The following SLC1A2 variants were observed in gnomAD, a reference collection of about 807,000 sequenced individuals.
SLC1A2 encodes the protein solute carrier family 1 member 2, also known as excitatory amino acid transporter 2.
Under a neutral mutation model 48.8 loss-of-function variants are expected in SLC1A2, and 15 were observed. That is an observed-to-expected ratio of 0.31 (90% CI 0.21 to 0.47). The LOEUF (loss-of-function observed/expected upper bound fraction) is 0.47. Among genes scored for constraint, SLC1A2 ranks in the 20% least tolerant of loss-of-function variants. SLC1A2 has a pLI of 0.99. For missense variants in SLC1A2, 502 were observed against 730.5 expected (o/e 0.69, Z 3.61); for synonymous variants, 279 against 272.6 (o/e 1.02, Z -0.23).
At chr11:35,380,017 A>G (rs771445810) in intron 1 of SLC1A2, among the ~76,000 whole-genome samples, 4 of 152,228 alleles carry the variant, frequency 2.6e-5, no homozygotes, top group Non-Finnish European at 5.9e-5. Flanking sequence ...TTAAGCAGAC[A>G]CCTGATTGTC....
rs953218919 is a variant in SLC1A2, at chr11:35,253,075, T to A, written c.*7819A>T. ...TACCACCATCTCAGAAAGTATTTGG[T>A]GGAAGGAAGACACCTCGTCTCTGCA... On this transcript the variant is annotated 3_prime_UTR_variant, in exon 11 of 11. Coordinates refer to ENST00000278379, the MANE Select transcript of SLC1A2 (RefSeq NM_004171.4). 4.6e-5 allele frequency: 7 copies of A among 152,170 alleles called. No homozygotes were observed. Among genetic ancestry groups the A allele is most frequent in the African/African-American group, 1.7e-4 (7 of 41,444 alleles). The allele number at this position is 152,170 out of a possible 1,614,324, so 9.4% of individuals were successfully genotyped here. A position where few individuals can be genotyped will look rare whatever the true frequency, so the allele number is the denominator to read the frequency against.
chr11:35,382,586 A>C (rs1854463772), intron 1 of SLC1A2, among the ~76,000 whole-genome samples: 1 of 152,250 alleles, frequency 6.6e-6, no homozygotes, highest in African/African-American at 2.4e-5. Context: ...ACTTGAGCTC[A>C]GGAGTTCAAG....
intron 1 of SLC1A2, among the ~76,000 whole-genome samples, chr11:35,320,819 G>A (rs1852035174): frequency 6.6e-6 from 1 of 152,192 alleles, no homozygotes; most frequent in Admixed American, 6.5e-5. Context: ...TAAAGATGTT[G>A]CAGTAAACAA....
chr11:35,356,980 G>A (rs1045146476), intron 1 of SLC1A2, among the ~76,000 whole-genome samples: 57 of 152,180 alleles, frequency 3.7e-4, no homozygotes, highest in African/African-American at 1.1e-3. Context: ...GGTGGCTCAC[G>A]CCTGTAATCC....
intron 1 of SLC1A2, among the ~76,000 whole-genome samples, chr11:35,351,781 G>T (rs971360080): frequency 6.6e-5 from 10 of 152,124 alleles, no homozygotes; most frequent in Non-Finnish European, 1.0e-4. Context: ...GACTACAGGT[G>T]CATGCCACTA....
intron 1 of SLC1A2, among the ~76,000 whole-genome samples, chr11:35,369,343 C>T (rs1853976853): frequency 6.6e-6 from 1 of 152,216 alleles, no homozygotes. Flanking sequence ...TATATTTCAG[C>T]ATCACTCATG....
intron 1 of SLC1A2, among the ~76,000 whole-genome samples, chr11:35,343,125 T>C (rs1335987752): frequency 6.6e-6 from 1 of 152,230 alleles, no homozygotes; most frequent in Non-Finnish European, 1.5e-5. Context: ...ACAGGAATAA[T>C]ACAGGGTGGT....
intron 1 of SLC1A2, among the ~76,000 whole-genome samples, chr11:35,397,416 C>G (rs1218378810): frequency 1.4e-5 from 2 of 145,810 alleles, no homozygotes; most frequent in Non-Finnish European, 3.0e-5. Context: ...CTGAGAAAAA[C>G]AAGCAATGGG....
chr11:35,291,618 T>C (rs1284706270), intron 7 of SLC1A2: 1 of 152,324 alleles, frequency 6.6e-6, no homozygotes, highest in Non-Finnish European at 1.5e-5. Context: ...TTTGTTTTTG[T>C]TAGATTCAGT....
intron 1 of SLC1A2, among the ~76,000 whole-genome samples, chr11:35,340,621 AG>A (rs1189342037): frequency 6.6e-6 from 1 of 152,220 alleles, no homozygotes; most frequent in African/African-American, 2.4e-5. Context: ...CAAAGGAAAA[AG>A]ATTGTAGCGT....
At chr11:35,284,932 A>T (rs1479049820) in intron 8 of SLC1A2, among the ~76,000 whole-genome samples, 1 of 152,200 alleles carries the variant, frequency 6.6e-6, no homozygotes, top group African/African-American at 2.4e-5. Flanking sequence ...GAGATCTCCT[A>T]AAATGGCCTT....
chr11:35,374,355 G>A (rs1031196635), intron 1 of SLC1A2: 10 of 868,566 alleles, frequency 1.2e-5, no homozygotes, highest in African/African-American at 8.5e-5. Context: ...TTTAAATAGC[G>A]ATGTGTTGTT....
At chr11:35,377,416 A>G (rs1854277397) in intron 1 of SLC1A2, among the ~76,000 whole-genome samples, 1 of 152,144 alleles carries the variant, frequency 6.6e-6, no homozygotes, top group African/African-American at 2.4e-5. Context: ...TGAATGCCAC[A>G]GAGCATGCAC....
intron 9 of SLC1A2, among the ~76,000 whole-genome samples, chr11:35,275,949 G>A (rs115248332): frequency 0.012 from 1,826 of 152,214 alleles, 40 homozygotes; most frequent in African/African-American, 0.041. Flanking sequence ...CCTCTTGCTG[G>A]TGAGAAAGAA....
chr11:35,397,733 G>A (rs1855009976), intron 1 of SLC1A2, among the ~76,000 whole-genome samples: 1 of 152,070 alleles, frequency 6.6e-6, no homozygotes, highest in Admixed American at 6.5e-5. Flanking sequence ...AGCCCCAAGA[G>A]AGACCCCTCA....
chr11:35,399,476 A>T (rs1485355261), intron 1 of SLC1A2: 2 of 210,460 alleles, frequency 9.5e-6, no homozygotes, highest in Non-Finnish European at 1.6e-5. Flanking sequence ...TAGAATGTAA[A>T]TACAAAATCT....
intron 1 of SLC1A2, among the ~76,000 whole-genome samples, chr11:35,338,780 T>C (rs932045340): frequency 3.3e-5 from 5 of 152,188 alleles, no homozygotes; most frequent in Non-Finnish European, 7.3e-5. Context: ...CAGACTAAGG[T>C]AGGCTTCCCT....
intron 1 of SLC1A2, among the ~76,000 whole-genome samples, chr11:35,410,105 G>A (rs1294190445): frequency 6.6e-6 from 1 of 151,038 alleles, no homozygotes; most frequent in African/African-American, 2.4e-5. Flanking sequence ...TAATATTTGA[G>A]GTTTTTATTT....
chr11:35,371,398 C>T (rs1187904278), intron 1 of SLC1A2, among the ~76,000 whole-genome samples: 1 of 152,144 alleles, frequency 6.6e-6, no homozygotes, highest in Admixed American at 6.5e-5. Flanking sequence ...CTCCCTGCCA[C>T]CATCTGTCAA....
Sources: allele counts gnomAD v4.1 joint callset (sites outside exome capture counted in the v4.1 genomes callset), GRCh38; gene constraint gnomAD v4.1.1; transcripts MANE v1.5; gene names NCBI Gene and HGNC (gene_info 2026-07-23, HGNC 2026-07-21).